The following AGMO variants were observed in gnomAD, a reference collection of about 807,000 sequenced individuals.
AGMO encodes the protein alkylglycerol monooxygenase.
Under a neutral mutation model 60.2 loss-of-function variants are expected in AGMO, and 75 were observed. The ratio of observed to expected loss-of-function variants is 1.25; its 90% CI spans 1.03 to 1.51. AGMO has a LOEUF of 1.51. AGMO is among the 40% of genes most tolerant of loss of function. The pLI is 0.00. For missense variants in AGMO, 763 were observed against 525.5 expected (o/e 1.45, Z -4.42); for synonymous variants, 261 against 177.1 (o/e 1.47, Z -3.76).
intron 4 of AGMO, among the ~76,000 whole-genome samples, chr7:15,424,319 A>G (rs1163719778): frequency 6.6e-6 from 1 of 152,164 alleles, no homozygotes; most frequent in Non-Finnish European, 1.5e-5. Context: ...AGTCAAAAGT[A>G]TATGTGGAAA....
the AGMO span, among the ~76,000 whole-genome samples, chr7:15,172,919 A>G: frequency 6.6e-6 from 1 of 152,184 alleles, no homozygotes; most frequent in Non-Finnish European, 1.5e-5. Context: ...CCTTACAATC[A>G]CAAGTGATAG....
chr7:15,358,078 T>C (rs1782608936), intron 12 of AGMO: 1 of 177,098 alleles, frequency 5.6e-6, no homozygotes, highest in Non-Finnish European at 1.2e-5. Context: ...ACATATTAAC[T>C]GGGTAAAACG....
chr7:15,370,002 C>T (rs1783138247), intron 10 of AGMO, among the ~76,000 whole-genome samples: 1 of 152,020 alleles, frequency 6.6e-6, no homozygotes, highest in Admixed American at 6.6e-5. Flanking sequence ...AGGAATGATC[C>T]TATCACCCAG....
chr7:15,450,054 T>C (rs1050795241), intron 3 of AGMO, among the ~76,000 whole-genome samples: 2 of 152,226 alleles, frequency 1.3e-5, no homozygotes, highest in African/African-American at 2.4e-5. Context: ...GCAACTTGGT[T>C]ATTTAAAACC....
At chr7:15,351,301 C>A (rs114718377) in intron 12 of AGMO, among the ~76,000 whole-genome samples, 5,473 of 152,210 alleles carry the variant, frequency 0.036, 119 homozygotes, top group South Asian at 0.059. Flanking sequence ...CGGCTCACTT[C>A]TCCGCCATTA....
intron 3 of AGMO, among the ~76,000 whole-genome samples, chr7:15,468,967 T>C (rs1320419162): frequency 6.6e-6 from 1 of 152,152 alleles, no homozygotes; most frequent in African/African-American, 2.4e-5. Flanking sequence ...AATTAAGAAT[T>C]CTATTTAAAT....
At chr7:15,236,980 TCAAA>T (rs67794249) in intron 12 of AGMO, among the ~76,000 whole-genome samples, 49,065 of 151,648 alleles carry the variant, frequency 0.32, 8,836 homozygotes, top group East Asian at 0.49. Flanking sequence ...AAAATAGTAC[TCAAA>T]CAAACATAAA....
chr7:15,308,160 A>G (rs1460907478), intron 12 of AGMO, among the ~76,000 whole-genome samples: 1 of 152,114 alleles, frequency 6.6e-6, no homozygotes, highest in African/African-American at 2.4e-5. Flanking sequence ...TGTCTGTTCT[A>G]ATTTCAGAAT....
chr7:15,510,343 T>C (rs747664105), intron 3 of AGMO, among the ~76,000 whole-genome samples: 8 of 151,790 alleles, frequency 5.3e-5, no homozygotes, highest in Non-Finnish European at 7.4e-5. Flanking sequence ...GTTTTTTTTG[T>C]TTTGTTTTGT....
At chr7:15,366,360 C>A (rs1782980233) in intron 10 of AGMO, 138 bp from the exon 11 acceptor site, 1 of 522,380 alleles carries the variant, frequency 1.9e-6, no homozygotes, top group Non-Finnish European at 3.4e-6. Context: ...GAAAGCTTGA[C>A]TACACAGAAA....
At chr7:15,415,257 C>G (rs185950011) in intron 5 of AGMO, among the ~76,000 whole-genome samples, 2 of 151,806 alleles carry the variant, frequency 1.3e-5, no homozygotes. Context: ...CCACCATGCC[C>G]GGCTAATTTT....
chr7:15,305,069 T>TA (rs1780571790), intron 12 of AGMO, among the ~76,000 whole-genome samples: 1 of 151,836 alleles, frequency 6.6e-6, no homozygotes. Context: ...AATATATAAA[T>TA]AAAAGTGTTA....
At chr7:15,532,254 TG>T (rs1784387800) in intron 3 of AGMO, among the ~76,000 whole-genome samples, 1 of 152,154 alleles carries the variant, frequency 6.6e-6, no homozygotes, top group African/African-American at 2.4e-5. Context: ...ATAGGATTGG[TG>T]TTGATATTAG....
At chr7:15,512,669 C>G (rs1016820145) in intron 3 of AGMO, among the ~76,000 whole-genome samples, 1 of 152,098 alleles carries the variant, frequency 6.6e-6, no homozygotes, top group African/African-American at 2.4e-5. Flanking sequence ...AAATTGCTTG[C>G]TATTTACTAT....
intron 3 of AGMO, among the ~76,000 whole-genome samples, chr7:15,497,585 C>T (rs910301168): frequency 1.3e-5 from 2 of 152,008 alleles, no homozygotes; most frequent in Non-Finnish European, 2.9e-5. Flanking sequence ...AACAATTAGA[C>T]TTTTTTACTT....
chr7:15,277,798 T>C (rs576870683), intron 12 of AGMO, among the ~76,000 whole-genome samples: 40 of 152,290 alleles, frequency 2.6e-4, no homozygotes, highest in African/African-American at 7.7e-4. Flanking sequence ...GAGGTGTCCA[T>C]TGTGCCCCGA....
chr7:15,392,899 CACTT>C (rs1784209489), intron 6 of AGMO, among the ~76,000 whole-genome samples: 1 of 152,228 alleles, frequency 6.6e-6, no homozygotes, highest in Non-Finnish European at 1.5e-5. Context: ...GCGCTCAAAG[CACTT>C]ACATCAGCCT....
chr7:15,543,793 G>C (rs968371705), intron 3 of AGMO, among the ~76,000 whole-genome samples: 1 of 151,408 alleles, frequency 6.6e-6, no homozygotes, highest in Non-Finnish European at 1.5e-5. Context: ...AGAAGGAAAA[G>C]TAGATCCACT....
intron 3 of AGMO, among the ~76,000 whole-genome samples, chr7:15,477,004 A>G (rs994037313): frequency 1.3e-5 from 2 of 152,090 alleles, no homozygotes; most frequent in Non-Finnish European, 2.9e-5. Context: ...CTGAAAATCT[A>G]CCAATACAAA....
Sources: gnomAD v4.1 joint callset for allele counts (sites outside exome capture counted in the v4.1 genomes callset) on GRCh38, gnomAD v4.1.1 for gene constraint, MANE v1.5 for transcripts, NCBI Gene and HGNC (gene_info 2026-07-23, HGNC 2026-07-21) for gene names.